Variants in BLOC1S6 observed in about 807,000 individuals in gnomAD.
BLOC1S6 encodes the protein biogenesis of lysosome-related organelles complex 1 subunit 6.
A neutral mutation model predicts 24.7 loss-of-function variants in BLOC1S6; 24 were observed. The observed-to-expected ratio is 0.97, with a 90% CI of 0.70 to 1.37. The LOEUF (loss-of-function observed/expected upper bound fraction) is 1.37, where lower values mean the gene tolerates loss of function less well. Ranked by LOEUF, BLOC1S6 falls within the 40% of genes most tolerant of loss-of-function variation. The probability of loss-of-function intolerance (pLI) is 0.00; values close to 1 mark genes in which losing one functional copy is unlikely to be tolerated. For missense variants in BLOC1S6, 175 were observed against 196.2 expected, an observed-to-expected ratio of 0.89 and a Z score of 0.64; for synonymous variants, 76 against 72.6, an observed-to-expected ratio of 1.05 and a Z score of -0.23.
intron 1 of BLOC1S6, among the ~76,000 whole-genome samples, chr15:45,589,866 A>G (rs1893820052): frequency 6.6e-6 from 1 of 152,216 alleles, no homozygotes; most frequent in South Asian, 2.1e-4. Flanking sequence ...CAAACAAAAA[A>G]TGAGTAACTG....
In BLOC1S6 at chr15:45,590,173, T is replaced by TTC. The variant is rs564536818; in HGVS notation, c.83-1942_83-1941dup. Among the ~76,000 whole-genome samples, 240 of 150,076 alleles carry TTC rather than the reference T, an allele frequency of 1.6e-3. 2 individuals carry two copies. In the East Asian group the frequency reaches 0.026, roughly 16 times the overall value. On this transcript the variant is annotated intron_variant, in intron 1 of 4. Transcript: ENST00000220531. ...ATTAATATCCCTAAGTGCTTCACTT[T>TTC]TCTCTCTCTCTCTCTCTCTCTATAT...
intron 1 of BLOC1S6, among the ~76,000 whole-genome samples, chr15:45,588,041 C>A (rs1349908524): frequency 2.0e-5 from 3 of 152,224 alleles, no homozygotes; most frequent in Non-Finnish European, 2.9e-5. Context: ...TTGCTGTGCA[C>A]CCAAAATGGT....
In BLOC1S6 at chr15:45,592,167, A is replaced by T. The variant is rs779791657; in HGVS notation, c.115A>T (p.Ile39Leu). 1 of 1,614,182 alleles carries T rather than the reference A, an allele frequency of 6.2e-7. No homozygotes were observed. The highest frequency in any genetic ancestry group is 2.2e-5 in the East Asian group (1 of 44,878). ...TGACACTTCTCCAGATGAAGGGTTAATAGAGGACTTGACTATAGAAGACAA... is the reference window on the plus strand; with the variant it reads ...TGACACTTCTCCAGATGAAGGGTTATTAGAGGACTTGACTATAGAAGACAA... ...LSDTSPDEGL[I>L]EDLTIEDKAV... Residue 39 changes from isoleucine (I) to leucine (L), a missense_variant, in exon 2 of 5, where the codon ATA (isoleucine) becomes TTA (leucine). Coordinates refer to ENST00000220531, the MANE Select transcript of BLOC1S6 (RefSeq NM_012388.4).
intron 2 of BLOC1S6, among the ~76,000 whole-genome samples, chr15:45,597,329 G>A (rs1429920456): frequency 6.6e-6 from 1 of 151,968 alleles, no homozygotes; most frequent in African/African-American, 2.4e-5. Context: ...AATTTAAAAA[G>A]TCAGCCTGGC....
intron 1 of BLOC1S6, chr15:45,587,889 A>G (rs1428036783): frequency 2.0e-5 from 13 of 636,876 alleles, no homozygotes; most frequent in African/African-American, 1.8e-5. Context: ...GACGTATCCT[A>G]TAATATTGAC....
chr15:45,607,758 G>A lies in BLOC1S6; in HGVS notation c.*1244G>A, dbSNP rs754836575. 6.6e-6 allele frequency: 1 copy of A among 152,040 alleles called. No individual in the cohort carries two copies. Among genetic ancestry groups the A allele is most frequent in the Non-Finnish European group, 1.5e-5 (1 of 68,032 alleles). The allele number at this position is 152,040 out of a possible 1,614,324, so 9.4% of individuals were successfully genotyped here. ...ACTGCACTCCAGCCTTGGTGACAGA[G>A]CAAGACTCCGTCTCCAAAAAAAAGA... On this transcript the variant is annotated 3_prime_UTR_variant, in exon 5 of 5. Coordinates refer to ENST00000220531, the MANE Select transcript of BLOC1S6 (RefSeq NM_012388.4).
At chr15:45,602,220 G>T in intron 2 of BLOC1S6, 1 of 484,302 alleles carries the variant, frequency 2.1e-6, no homozygotes, top group Admixed American at 3.7e-5. Flanking sequence ...TGACCTGTAG[G>T]GTATGCCAGA....
intron 1 of BLOC1S6, among the ~76,000 whole-genome samples, chr15:45,591,057 T>C (rs951611921): frequency 6.6e-6 from 1 of 152,218 alleles, no homozygotes; most frequent in East Asian, 1.9e-4. Flanking sequence ...CTTACACTTT[T>C]ATTATTCAAA....
chr15:45,602,244 A>G, intron 2 of BLOC1S6: 2 of 554,446 alleles, frequency 3.6e-6, no homozygotes, highest in Non-Finnish European at 6.4e-6. Flanking sequence ...AGTGCTGGAT[A>G]GTAGAGATGT....
At chr15:45,596,507 T>G (rs1157733340) in intron 2 of BLOC1S6, among the ~76,000 whole-genome samples, 19 of 152,140 alleles carry the variant, frequency 1.2e-4, no homozygotes, top group Admixed American at 1.2e-3. Flanking sequence ...CACCATTTGT[T>G]GAAAAAACTA....
At chr15:45,591,753 A>G (rs1893894191) in intron 1 of BLOC1S6, among the ~76,000 whole-genome samples, 1 of 152,266 alleles carries the variant, frequency 6.6e-6, no homozygotes, top group African/African-American at 2.4e-5. Flanking sequence ...AATTTTGTGT[A>G]TGTTAATGTT....
At chr15:45,587,764 G>A (rs1229714860) in intron 1 of BLOC1S6, 1 of 703,026 alleles carries the variant, frequency 1.4e-6, no homozygotes, top group South Asian at 1.5e-5. Flanking sequence ...GCGGTTGATG[G>A]TGAAGCCATT....
chr15:45,603,762 G>T (rs1894350832), intron 3 of BLOC1S6, among the ~76,000 whole-genome samples: 1 of 151,964 alleles, frequency 6.6e-6, no homozygotes, highest in Non-Finnish European at 1.5e-5. Context: ...TGAACCTTTG[G>T]GGTACCATTT....
rs1265918888 is a variant in BLOC1S6, at chr15:45,606,802, C to CT, written c.*289dup. On this transcript the variant is annotated 3_prime_UTR_variant, in exon 5 of 5. Coordinates refer to ENST00000220531, the MANE Select transcript of BLOC1S6 (RefSeq NM_012388.4). Reference sequence around the variant, plus strand: ...GGTTTGATTATTGTGAGTCAAAACTCTAAGTGGTTAAAAATTAGTATGAAT... The same window carrying CT: ...GGTTTGATTATTGTGAGTCAAAACTCTTAAGTGGTTAAAAATTAGTATGAAT... 12 of 363,658 alleles carry CT rather than the reference C, an allele frequency of 3.3e-5. No individual in the cohort carries two copies. Among genetic ancestry groups the CT allele is most frequent in the African/African-American group, 6.3e-5 (3 of 47,696 alleles). 22.5% of individuals were successfully genotyped at this position (363,658 alleles called of 1,614,324 possible). A position where few individuals can be genotyped will look rare whatever the true frequency, so the allele number is the denominator to read the frequency against.
intron 2 of BLOC1S6, among the ~76,000 whole-genome samples, chr15:45,594,384 G>C (rs894327699): frequency 6.6e-5 from 10 of 152,206 alleles, no homozygotes; most frequent in African/African-American, 2.4e-4. Flanking sequence ...CAGAGGTGCA[G>C]TTGTCAGTGG....
intron 2 of BLOC1S6, among the ~76,000 whole-genome samples, chr15:45,597,378 C>A (rs750750553): frequency 4.6e-5 from 7 of 152,086 alleles, no homozygotes; most frequent in Non-Finnish European, 8.8e-5. Context: ...ACTTGGGAGG[C>A]TGAGGCAGGG....
chr15:45,602,998 C>T lies in BLOC1S6; in HGVS notation c.225-102C>T, dbSNP rs376116509. The T allele has an allele frequency of 2.9e-5, 22 of 759,616 alleles. No homozygotes were observed. In the Middle Eastern group the frequency reaches 6.9e-4, roughly 24 times the overall value. The allele number at this position is 759,616 out of a possible 1,614,324, so 47.1% of individuals were successfully genotyped here. ...CCTTAGAGAGTTAATACATTTCCTACTTAACTAACTGTTACCATTAACCAA... is the reference window on the plus strand; with the variant it reads ...CCTTAGAGAGTTAATACATTTCCTATTTAACTAACTGTTACCATTAACCAA... On this transcript the variant is annotated intron_variant, in intron 2 of 4. Coordinates refer to ENST00000220531, the MANE Select transcript of BLOC1S6 (RefSeq NM_012388.4).
At chr15:45,603,044 A>G in intron 2 of BLOC1S6, 56 bp from the exon 3 acceptor site, 2 of 1,185,466 alleles carry the variant, frequency 1.7e-6, no homozygotes, top group South Asian at 2.5e-5. Context: ...ATTCCTTTTA[A>G]TGGACCGGCA....
upstream of BLOC1S6, chr15:45,587,377 T>G (rs1893710935): frequency 6.9e-7 from 1 of 1,447,826 alleles, no homozygotes; most frequent in Non-Finnish European, 9.5e-7. Context: ...GCTGGAGTCG[T>G]TAGGTGCCGC....
Sources: allele counts gnomAD v4.1 joint callset (sites outside exome capture counted in the v4.1 genomes callset), GRCh38; gene constraint gnomAD v4.1.1; transcripts MANE v1.5; gene names NCBI Gene and HGNC (gene_info 2026-07-23, HGNC 2026-07-21).